The following RARB variants were observed in gnomAD, a reference collection of about 807,000 sequenced individuals.
The protein encoded by RARB is HBV-activated protein.
In RARB, 17 loss-of-function variants were observed where a neutral mutation model predicts 51.9. The observed-to-expected ratio is 0.33, with a 90% CI of 0.22 to 0.49. The LOEUF is 0.49. Among genes scored for constraint, RARB ranks in the 20% least tolerant of loss-of-function variants. The pLI is 0.99. For missense variants in RARB, 369 were observed against 550.8 expected, an observed-to-expected ratio of 0.67 and a Z score of 3.30; for synonymous variants, 215 against 195.4, an observed-to-expected ratio of 1.10 and a Z score of -0.84.
At chr3:25,222,139 C>T (rs1376287609) in intron 5 of RARB, among the ~76,000 whole-genome samples, 6 of 152,116 alleles carry the variant, frequency 3.9e-5, no homozygotes, top group Non-Finnish European at 7.4e-5. Context: ...GGGTAAATCC[C>T]ACTAATAAGG....
intron 1 of RARB, among the ~76,000 whole-genome samples, chr3:24,837,817 T>A (rs974577916): frequency 5.3e-5 from 8 of 152,230 alleles, no homozygotes; most frequent in Non-Finnish European, 7.3e-5. Flanking sequence ...TGAGGTTTTC[T>A]GATATTACTC....
intron 2 of RARB, among the ~76,000 whole-genome samples, chr3:24,904,943 G>A (rs1363716609): frequency 2.6e-5 from 4 of 152,148 alleles, no homozygotes; most frequent in Admixed American, 6.5e-5. Flanking sequence ...GTTCTCAGTC[G>A]TTAAGTGGGA....
intron 5 of RARB, among the ~76,000 whole-genome samples, chr3:25,343,528 A>C (rs1211774772): frequency 3.3e-5 from 5 of 152,042 alleles, no homozygotes; most frequent in African/African-American, 1.2e-4. Flanking sequence ...AAAATGCTTA[A>C]GAAAAACTTT....
At chr3:24,970,574 AACACAC>A (rs60292267) in intron 2 of RARB, among the ~76,000 whole-genome samples, 67,813 of 148,692 alleles carry the variant, frequency 0.46, 15,817 homozygotes, top group Admixed American at 0.58. Context: ...AAGTCATGTA[AACACAC>A]ACACACACAC....
At chr3:25,372,036 G>C (rs1559375708) in intron 5 of RARB, among the ~76,000 whole-genome samples, 1 of 152,152 alleles carries the variant, frequency 6.6e-6, no homozygotes, top group Non-Finnish European at 1.5e-5. Context: ...GAGGGAAAGT[G>C]AGAATGAAAA....
In RARB at chr3:25,231,585, C is replaced by G. The variant is rs115441242; in HGVS notation, c.178+57010C>G. 9.3e-3 allele frequency among the ~76,000 whole-genome samples: 1,413 copies of G among 152,210 alleles called. 18 individuals carry two copies. The highest frequency in any genetic ancestry group is 0.032 in the African/African-American group (1,340 of 41,552). The stretch of plus-strand genomic sequence containing the variant: ...GAGTTCCAGTTGATCTATATCTTAC[C>G]AACATTTGGTAATGACTTTTATTTT... On this transcript the variant is annotated intron_variant, in intron 5 of 11. Coordinates refer to the RARB transcript ENST00000383772.
chr3:24,958,424 C>G (rs1177791469), intron 2 of RARB, among the ~76,000 whole-genome samples: 1 of 151,944 alleles, frequency 6.6e-6, no homozygotes, highest in Admixed American at 6.6e-5. Context: ...TCCCAGACGT[C>G]TGCCAAAGCA....
chr3:24,885,415 A>T (rs762857371), intron 2 of RARB, among the ~76,000 whole-genome samples: 1 of 152,190 alleles, frequency 6.6e-6, no homozygotes, highest in African/African-American at 2.4e-5. Context: ...GAACAAAATG[A>T]GTTTTAATGT....
chr3:25,346,195 C>T (rs1468527649), intron 5 of RARB, among the ~76,000 whole-genome samples: 1 of 152,186 alleles, frequency 6.6e-6, no homozygotes, highest in Non-Finnish European at 1.5e-5. Context: ...CTCCATGTCT[C>T]TAAATTCTTT....
intron 2 of RARB, among the ~76,000 whole-genome samples, chr3:25,041,537 GAAAA>G (rs754278956): frequency 8.3e-5 from 11 of 132,844 alleles, no homozygotes; most frequent in Non-Finnish European, 1.5e-4. Flanking sequence ...GGACATTTGG[GAAAA>G]AAAAAAAAAA....
At chr3:25,248,293 A>G (rs1702618510) in intron 5 of RARB, among the ~76,000 whole-genome samples, 1 of 152,190 alleles carries the variant, frequency 6.6e-6, no homozygotes. Context: ...TAAGCAGCAT[A>G]TAGGTGGATC....
intron 2 of RARB, among the ~76,000 whole-genome samples, chr3:24,982,963 A>G (rs1179325005): frequency 6.6e-6 from 1 of 152,234 alleles, no homozygotes; most frequent in Non-Finnish European, 1.5e-5. Context: ...AAACTATTTG[A>G]ATCTATACTG....
chr3:25,319,633 G>T (rs138291112), intron 5 of RARB, among the ~76,000 whole-genome samples: 2 of 136,422 alleles, frequency 1.5e-5, no homozygotes, highest in Admixed American at 1.5e-4. Flanking sequence ...GATTGCATGC[G>T]TGCATGGCAG....
At chr3:25,446,237 G>A (rs978899979) in intron 1 of RARB, among the ~76,000 whole-genome samples, 1 of 152,256 alleles carries the variant, frequency 6.6e-6, no homozygotes, top group East Asian at 1.9e-4. Flanking sequence ...GTGAGGAAAT[G>A]CATGAATTTT....
intron 4 of RARB, among the ~76,000 whole-genome samples, chr3:25,574,574 C>CCGGCCTCCCACTGCTCT (rs1462700893): frequency 6.6e-6 from 1 of 152,220 alleles, no homozygotes; most frequent in Admixed American, 6.5e-5. Flanking sequence ...GCCTCTGCTC[C>CCGGCCTCCCACTGCTCT]CGGCCTCCCA....
At chr3:24,956,376 T>C (rs1362737583) in intron 2 of RARB, among the ~76,000 whole-genome samples, 1 of 152,188 alleles carries the variant, frequency 6.6e-6, no homozygotes, top group Non-Finnish European at 1.5e-5. Flanking sequence ...ACTCAACAAA[T>C]AGTAACTAAT....
intron 5 of RARB, among the ~76,000 whole-genome samples, chr3:25,417,328 G>A (rs1049582872): frequency 6.6e-6 from 1 of 151,998 alleles, no homozygotes; most frequent in Non-Finnish European, 1.5e-5. Context: ...AGAATAACCT[G>A]GCCCAACTAA....
At chr3:25,311,085 T>G (rs2125433597) in intron 5 of RARB, among the ~76,000 whole-genome samples, 1 of 152,250 alleles carries the variant, frequency 6.6e-6, no homozygotes, top group East Asian at 1.9e-4. Flanking sequence ...AAAAGAAGTT[T>G]AGGGGAGATT....
chr3:25,175,628 G>A (rs1700727973), intron 5 of RARB, among the ~76,000 whole-genome samples: 3 of 152,270 alleles, frequency 2.0e-5, no homozygotes, highest in South Asian at 2.1e-4. Context: ...GTAGGGGATG[G>A]GTGTTTGGAT....
Sources: allele counts gnomAD v4.1 joint callset (sites outside exome capture counted in the v4.1 genomes callset), GRCh38; gene constraint gnomAD v4.1.1; transcripts MANE v1.5; gene names NCBI Gene and HGNC (gene_info 2026-07-23, HGNC 2026-07-21).